The following NRXN2 variants were observed in gnomAD, a reference collection of about 807,000 sequenced individuals.
NRXN2 encodes the protein neurexin-2-beta.
In NRXN2, 29 loss-of-function variants were observed where a neutral mutation model predicts 128.8. The ratio of observed to expected loss-of-function variants is 0.23; its 90% CI spans 0.17 to 0.31. NRXN2 has a LOEUF of 0.31. NRXN2 is among the 10% of genes least tolerant of loss of function. The pLI, the probability that NRXN2 is intolerant of heterozygous loss-of-function variation, is 1.00. For synonymous variants in NRXN2, 1,098 were observed against 1,075.2 expected (o/e 1.02, Z -0.41); for missense variants, 1,881 against 2,452.6 (o/e 0.77, Z 4.92).
In NRXN2 at chr11:64,660,771, C is replaced by G; in HGVS notation, c.2167G>C (p.Gly723Arg). 3.1e-6 allele frequency: 5 copies of G among 1,612,874 alleles called. No individual in the cohort carries two copies. The highest frequency in any genetic ancestry group is 4.2e-6 in the Non-Finnish European group (5 of 1,180,008). ...ICDCIGTGFL[G>R]RVCEREATVL... ...GCCTCACCTCTCTCACAGACCCGCC[C>G]AAGAAAGCCGGTCCCGATGCAGTCA... The change falls in exon 10 of 23, where the codon GGG becomes CGG. Residue 723 changes from glycine (G) to arginine (R), a missense_variant. Around this residue, in one of 7 missense-constraint regions of NRXN2, gnomAD observed 997 missense variants for 1,240.8 expected, o/e 0.80. Transcript: ENST00000265459. This position sits in a 1 kb window ranked among gnomAD's most constrained non-coding sequence, Gnocchi z 5.2.
chr11:64,713,564 C>T lies in NRXN2; in HGVS notation c.136G>A (p.Gly46Ser), dbSNP rs768737747. 12 of 1,408,270 alleles carry T rather than the reference C, an allele frequency of 8.5e-6. No individual in the cohort carries two copies. Among genetic ancestry groups the T allele is most frequent in the Non-Finnish European group, 1.1e-5 (12 of 1,079,762 alleles). 87.2% of individuals were successfully genotyped at this position (1,408,270 alleles called of 1,614,324 possible). ...CTGAGCTCGCCGCTGCTCGCCGCGC[C>T]CGCCCAGCGCGCGTAGCGAGCCCAC... ...GQWARYARWA[G>S]AASSGELSFS... Residue 46 changes from glycine (G) to serine (S), a missense_variant, in exon 2 of 23, where the codon GGC (glycine) becomes AGC (serine). Gly to Ser is a moderately conservative substitution (Grantham distance 56). This residue lies in a region of NRXN2 where 997 missense variants were observed against 1,240.8 expected (regional missense o/e 0.80). Transcript: ENST00000265459.
chr11:64,633,500 A>C (rs1413834432), intron 18 of NRXN2, among the ~76,000 whole-genome samples: 1 of 152,216 alleles, frequency 6.6e-6, no homozygotes, highest in East Asian at 1.9e-4. Context: ...ATTCAAACCC[A>C]GACCATCTAC....
chr11:64,702,667 A>G (rs1454903630), intron 2 of NRXN2, among the ~76,000 whole-genome samples: 1 of 151,756 alleles, frequency 6.6e-6, no homozygotes, highest in African/African-American at 2.4e-5. Flanking sequence ...ACACTGCGGA[A>G]GGCCGCAGGG....
intron 17 of NRXN2, chr11:64,642,597 C>T: frequency 6.2e-7 from 1 of 1,610,454 alleles, no homozygotes; most frequent in African/African-American, 1.3e-5. Flanking sequence ...CGGTGCCGTG[C>T]TTGCTGTGGA....
At position 64,622,862 on chromosome 11, in the gene NRXN2, G is replaced by A; in HGVS notation, c.4064C>T (p.Thr1355Ile). The part of the protein sequence containing the change: ...SVLLSAETTA[T>I]TLLADMATTI... ...GGTGGCCATGTCAGCCAGCAGGGTG[G>A]TGGCCGTGGTCTCCGCACTGAGCAG... The change falls in exon 21 of 23, where the codon ACC (threonine) becomes ATC (isoleucine). Residue 1355 changes from threonine (T) to isoleucine (I), a missense_variant. By Grantham distance (89) the Thr-to-Ile change is moderately conservative. This residue lies in a region of NRXN2 where 108 missense variants were observed against 165.2 expected (regional missense o/e 0.65). Transcript: ENST00000265459. The surrounding 1 kb of genome is among the most constrained non-coding windows in gnomAD (Gnocchi z 4.3). 6.2e-7 allele frequency: 1 copy of A among 1,612,806 alleles called. No individual in the cohort carries two copies. The highest frequency in any genetic ancestry group is 2.2e-5 in the East Asian group (1 of 44,868).
intron 5 of NRXN2, among the ~76,000 whole-genome samples, chr11:64,688,182 G>A (rs1775432209): frequency 6.6e-6 from 1 of 152,226 alleles, no homozygotes; most frequent in African/African-American, 2.4e-5. Flanking sequence ...AGGCCAAGTG[G>A]AGAAACGAGG....
chr11:64,651,711 C>A lies in NRXN2; in HGVS notation c.2537-75G>T. 1 of 1,555,232 alleles carries A rather than the reference C, an allele frequency of 6.4e-7. No individual in the cohort carries two copies. The highest frequency in any genetic ancestry group is 2.3e-5 in the East Asian group (1 of 44,402). ...TGGGGCTTGGGTTCCCAGGAGCCTC[C>A]CCTCCACAGGAGGGCCACCCATGAG... On this transcript the variant is annotated intron_variant, in intron 13 of 22. Transcript: ENST00000265459. This position sits in a 1 kb window ranked among gnomAD's most constrained non-coding sequence, Gnocchi z 5.9.
At chr11:64,688,702 C>G (rs2053426245) in intron 5 of NRXN2, 2 of 985,206 alleles carry the variant, frequency 2.0e-6, no homozygotes, top group Non-Finnish European at 2.4e-6. Flanking sequence ...CGTTTATCTC[C>G]CACAGTTGGG....
rs764197798 is a variant in NRXN2 at position 64,622,765 on chromosome 11, G to A, written c.4161C>T (p.Asp1387=). 7 of 1,609,320 alleles carry A rather than the reference G, an allele frequency of 4.3e-6. No individual in the cohort carries two copies. The highest frequency in any genetic ancestry group is 5.9e-6 in the Non-Finnish European group (7 of 1,178,682). ...TRRGRSPTLR[D]STTQNTDDLL... is the part of the protein sequence containing the mutation. ...AGTGGGGCCTCACCTGGGTGGTGCT[G>A]TCCCTCAGTGTGGGGGAGCGGCCCC... The change falls in exon 21 of 23, where the codon GAC becomes GAT. Residue 1387 remains aspartate (D), a synonymous_variant. Coordinates refer to ENST00000265459, the MANE Select transcript of NRXN2 (RefSeq NM_015080.4). This position sits in a 1 kb window ranked among gnomAD's most constrained non-coding sequence, Gnocchi z 4.3.
In NRXN2 at chr11:64,607,074, C is replaced by T. The variant is rs1032807559; in HGVS notation, c.*122G>A. On this transcript the variant is annotated 3_prime_UTR_variant, in exon 23 of 23. Coordinates refer to ENST00000265459, the MANE Select transcript of NRXN2 (RefSeq NM_015080.4). ...CTTTTCTTTTTTTGCGTTTCCTCTT[C>T]GTAAGAGAAGCCTGAGGCAGCCAGG... is the stretch of plus-strand genomic sequence containing the variant. 1.9e-6 allele frequency: 2 copies of T among 1,080,428 alleles called. No individual in the cohort carries two copies. The highest frequency in any genetic ancestry group is 2.6e-6 in the Non-Finnish European group (2 of 762,508). 66.9% of individuals were successfully genotyped at this position (1,080,428 alleles called of 1,614,324 possible).
chr11:64,643,016 T>C, intron 17 of NRXN2: 1 of 1,004,254 alleles, frequency 1.0e-6, no homozygotes, highest in Non-Finnish European at 1.2e-6. Flanking sequence ...AACGCCAAGG[T>C]CCAGGATGCC....
intron 2 of NRXN2, among the ~76,000 whole-genome samples, chr11:64,707,522 T>C (rs1358676731): frequency 1.3e-5 from 2 of 152,224 alleles, no homozygotes; most frequent in Non-Finnish European, 2.9e-5. Context: ...CCACACTGCT[T>C]TACTGCATCT....
At chr11:64,705,051 A>G (rs946217668) in intron 2 of NRXN2, among the ~76,000 whole-genome samples, 6 of 152,208 alleles carry the variant, frequency 3.9e-5, no homozygotes, top group Non-Finnish European at 2.9e-5. Flanking sequence ...ATCTATCTCC[A>G]TCGACCTTTC....
chr11:64,655,017 G>A (rs79493188), intron 11 of NRXN2, among the ~76,000 whole-genome samples: 4,914 of 152,274 alleles, frequency 0.032, 117 homozygotes, highest in Non-Finnish European at 0.05. Context: ...CCCGGCCCTC[G>A]ATTGACAGGC....
chr11:64,713,642 G>C lies in NRXN2; in HGVS notation c.58C>G (p.Leu20Val). 1.6e-6 allele frequency: 2 copies of C among 1,232,024 alleles called. No individual in the cohort carries two copies. Among genetic ancestry groups the C allele is most frequent in the Non-Finnish European group, 2.0e-6 (2 of 982,244 alleles). The allele number at this position is 1,232,024 out of a possible 1,614,324, so 76.3% of individuals were successfully genotyped here. Residue 20 changes from leucine (L) to valine (V), a missense_variant, in exon 2 of 23, where the codon CTG (leucine) becomes GTG (valine). Physicochemically the swap from Leu to Val is conservative, Grantham distance 32. This residue lies in a region of NRXN2 where 997 missense variants were observed against 1,240.8 expected (regional missense o/e 0.80). Coordinates refer to ENST00000265459, the MANE Select transcript of NRXN2 (RefSeq NM_015080.4). ...CCGTCCGCGCGCGCCGCCAGCGCCA[G>C]CAGCAGCAGCAACAGCAGCGGCGGC... is the stretch of plus-strand genomic sequence containing the variant. ...TPPPLLLLLL[L>V]ALAARADGLE...
chr11:64,657,355 C>T (rs2048416730), intron 11 of NRXN2, among the ~76,000 whole-genome samples: 1 of 152,220 alleles, frequency 6.6e-6, no homozygotes, highest in South Asian at 2.1e-4. Context: ...ACCCCATGGG[C>T]ACACCTAGTA....
chr11:64,621,515 G>A (rs1213722407), intron 21 of NRXN2, among the ~76,000 whole-genome samples: 1 of 152,144 alleles, frequency 6.6e-6, no homozygotes, highest in African/African-American at 2.4e-5. Context: ...TCTCTGATCT[G>A]GATGGCCCCA....
At chr11:64,641,522 G>C (rs1241903825) in intron 17 of NRXN2, among the ~76,000 whole-genome samples, 1 of 151,998 alleles carries the variant, frequency 6.6e-6, no homozygotes, top group East Asian at 1.9e-4. Context: ...GAGCTTGGGA[G>C]TGATGGGGGC....
intron 4 of NRXN2, among the ~76,000 whole-genome samples, chr11:64,691,333 C>G (rs945800087): frequency 2.0e-5 from 3 of 152,206 alleles, no homozygotes; most frequent in Non-Finnish European, 4.4e-5. Flanking sequence ...TCCAAATGCC[C>G]CGGTGGGCAC....
Sources: gnomAD v4.1 joint callset for allele counts (sites outside exome capture counted in the v4.1 genomes callset) on GRCh38, gnomAD v4.1.1 for gene constraint, gnomAD v4.1.1 regional missense constraint, Gnocchi (gnomAD v3.1) non-coding constraint, MANE v1.5 for transcripts, NCBI Gene and HGNC (gene_info 2026-07-23, HGNC 2026-07-21) for gene names.